Variants in PRKG2 observed in about 807,000 individuals in gnomAD.
PRKG2 encodes the protein protein kinase cGMP-dependent 2.
Under a neutral mutation model 97.2 loss-of-function variants are expected in PRKG2, and 33 were observed. That is an observed-to-expected ratio of 0.34 (90% CI 0.26 to 0.45). The LOEUF (loss-of-function observed/expected upper bound fraction) is 0.45, where lower values mean the gene tolerates loss of function less well. PRKG2 is among the 20% of genes least tolerant of loss of function. The probability of loss-of-function intolerance (pLI) is 1.00; values close to 1 mark genes in which losing one functional copy is unlikely to be tolerated. For synonymous variants in PRKG2, 330 were observed against 321.8 expected (o/e 1.03, Z -0.27); for missense variants, 638 against 900.0 (o/e 0.71, Z 3.73).
chr4:81,144,876 C>T (rs187576317), intron 9 of PRKG2, among the ~76,000 whole-genome samples: 142 of 150,424 alleles, frequency 9.4e-4, no homozygotes, highest in African/African-American at 3.3e-3. Flanking sequence ...TTTGTCCTTG[C>T]GATAGTTTGC....
At chr4:81,185,138 A>G (rs1007348114) in intron 2 of PRKG2, among the ~76,000 whole-genome samples, 1 of 152,188 alleles carries the variant, frequency 6.6e-6, no homozygotes, top group African/African-American at 2.4e-5. Context: ...CACCACAAAG[A>G]TAGTCCTCAA....
At chr4:81,200,172 GGTT>G (rs1460076150) in intron 2 of PRKG2, among the ~76,000 whole-genome samples, 1 of 152,190 alleles carries the variant, frequency 6.6e-6, no homozygotes, top group African/African-American at 2.4e-5. Context: ...CTGAATGCAT[GGTT>G]GTCTTGGTGC....
chr4:81,122,300 T>A lies in PRKG2; in HGVS notation c.1777-11689A>T, dbSNP rs528712919. 3.3e-5 allele frequency among the ~76,000 whole-genome samples: 5 copies of A among 152,304 alleles called. No individual in the cohort carries two copies. In the South Asian group the frequency reaches 1.0e-3, roughly 32 times the overall value. On this transcript the variant is annotated intron_variant, in intron 14 of 18. Transcript: ENST00000264399. ...TAACCTTCATCAGCTCTTCTTGGCCTGAAAAGTGCAGTAAGATATAGGAAA... is the reference window on the plus strand; with the variant it reads ...TAACCTTCATCAGCTCTTCTTGGCCAGAAAAGTGCAGTAAGATATAGGAAA...
intron 14 of PRKG2, among the ~76,000 whole-genome samples, chr4:81,111,542 T>G (rs1219678348): frequency 6.6e-6 from 1 of 151,840 alleles, no homozygotes; most frequent in Admixed American, 6.6e-5. Flanking sequence ...AGGGAGATGA[T>G]GGTTGGGGAA....
At chr4:81,111,048 C>G (rs996087054) in intron 14 of PRKG2, among the ~76,000 whole-genome samples, 4 of 151,756 alleles carry the variant, frequency 2.6e-5, no homozygotes, top group Non-Finnish European at 5.9e-5. Context: ...AGTAAAGCTC[C>G]GTCATGAATG....
intron 2 of PRKG2, among the ~76,000 whole-genome samples, chr4:81,195,538 T>G (rs1399408297): frequency 6.6e-6 from 1 of 152,158 alleles, no homozygotes; most frequent in Non-Finnish European, 1.5e-5. Flanking sequence ...TATTATATAT[T>G]CCCTGGGTCT....
chr4:81,170,150 A>T (rs765006318), intron 4 of PRKG2, among the ~76,000 whole-genome samples: 17 of 152,218 alleles, frequency 1.1e-4, no homozygotes, highest in Admixed American at 2.0e-4. Flanking sequence ...TCACAAACAG[A>T]TAATTGAAAG....
chr4:81,186,687 C>G (rs1183570372), intron 2 of PRKG2, among the ~76,000 whole-genome samples: 1 of 152,098 alleles, frequency 6.6e-6, no homozygotes, highest in African/African-American at 2.4e-5. Context: ...AATCCAGAAG[C>G]TGGTTTTTGG....
chr4:81,216,895 G>A (rs991587062), upstream of PRKG2, among the ~76,000 whole-genome samples: 19 of 96,760 alleles, frequency 2.0e-4, no homozygotes, highest in African/African-American at 1.8e-3. Context: ...ATTCCATTGT[G>A]TGTGTGTGTG....
chr4:81,137,078 CTG>C (rs1205726508), intron 13 of PRKG2, among the ~76,000 whole-genome samples: 2 of 150,448 alleles, frequency 1.3e-5, no homozygotes, highest in Non-Finnish European at 2.9e-5. Flanking sequence ...CACACTGCTT[CTG>C]CTAGGAGATT....
intron 11 of PRKG2, among the ~76,000 whole-genome samples, chr4:81,142,580 C>T (rs1747403151): frequency 6.6e-6 from 1 of 152,150 alleles, no homozygotes; most frequent in Non-Finnish European, 1.5e-5. Flanking sequence ...GTGATGTAAG[C>T]TTGAACTAGC....
intron 6 of PRKG2, among the ~76,000 whole-genome samples, chr4:81,162,125 T>C: frequency 6.6e-6 from 1 of 152,194 alleles, no homozygotes; most frequent in Non-Finnish European, 1.5e-5. Flanking sequence ...TTCTGTAAAA[T>C]TAAGATTATA....
Position 81,089,638 on chromosome 4 carries a change from T to G in PRKG2, c.*70A>C. On this transcript the variant is annotated 3_prime_UTR_variant, in exon 19 of 19. Transcript: ENST00000264399. ...ATATTATAATACTCTGAAAAGAAAA[T>G]AATGTGTTGGATTATTGATCCTTGA... 1 of 1,155,970 alleles carries G rather than the reference T, an allele frequency of 8.7e-7. No individual in the cohort carries two copies. The highest frequency in any genetic ancestry group is 1.6e-5 in the African/African-American group (1 of 64,294). 71.6% of individuals were successfully genotyped at this position (1,155,970 alleles called of 1,614,324 possible). A position where few individuals can be genotyped will look rare whatever the true frequency, so the allele number is the denominator to read the frequency against.
intron 17 of PRKG2, among the ~76,000 whole-genome samples, chr4:81,100,765 C>A (rs1270024279): frequency 6.6e-6 from 1 of 152,132 alleles, no homozygotes; most frequent in Non-Finnish European, 1.5e-5. Flanking sequence ...AAACTACCAT[C>A]AGAGTGAACA....
chr4:81,145,273 T>TA (rs1747745319), intron 9 of PRKG2, among the ~76,000 whole-genome samples: 1 of 152,160 alleles, frequency 6.6e-6, no homozygotes, highest in South Asian at 2.1e-4. Flanking sequence ...AACAATTTTT[T>TA]AGAGAAGATA....
chr4:81,134,838 T>C (rs1746515310), intron 14 of PRKG2, among the ~76,000 whole-genome samples: 1 of 152,106 alleles, frequency 6.6e-6, no homozygotes, highest in Admixed American at 6.5e-5. Context: ...CCACTCCCTA[T>C]GTATAGCAAG....
At chr4:81,105,139 G>GTA (rs1329041699) in intron 16 of PRKG2, among the ~76,000 whole-genome samples, 9 of 152,076 alleles carry the variant, frequency 5.9e-5, no homozygotes, top group Non-Finnish European at 1.3e-4. Flanking sequence ...TTCGTTACGC[G>GTA]TATATAATGC....
intron 14 of PRKG2, among the ~76,000 whole-genome samples, chr4:81,126,048 G>T (rs1017268723): frequency 2.0e-5 from 3 of 152,048 alleles, no homozygotes; most frequent in Non-Finnish European, 4.4e-5. Flanking sequence ...CCGCCAACAG[G>T]CCCCGGTGTG....
chr4:81,110,147 T>C (rs1326295452), intron 15 of PRKG2, among the ~76,000 whole-genome samples: 1 of 152,196 alleles, frequency 6.6e-6, no homozygotes, highest in African/African-American at 2.4e-5. Context: ...CCTTCTCTTA[T>C]TATTATGCTG....
Sources: gnomAD v4.1 joint callset for allele counts (sites outside exome capture counted in the v4.1 genomes callset) on GRCh38, gnomAD v4.1.1 for gene constraint, MANE v1.5 for transcripts, NCBI Gene and HGNC (gene_info 2026-07-23, HGNC 2026-07-21) for gene names.